Variants in CFAP77 observed in about 807,000 individuals in gnomAD.
CFAP77 encodes the protein cilia and flagella associated protein 77.
CFAP77 carries 25 observed loss-of-function variants against 31.1 expected under a neutral mutation model. The observed-to-expected ratio is 0.80, with a 90% confidence interval of 0.59 to 1.12. The LOEUF is 1.12. Ranked by LOEUF, CFAP77 falls within the 50% of genes most tolerant of loss-of-function variation. The probability of loss-of-function intolerance (pLI) is 0.00; values close to 1 mark genes in which losing one functional copy is unlikely to be tolerated. For missense variants in CFAP77, 377 were observed against 397.3 expected (o/e 0.95, Z 0.44); for synonymous variants, 151 against 159.9 (o/e 0.94, Z 0.42).
At position 132,481,198 on chromosome 9, in the gene CFAP77, C is replaced by T. The variant is rs1851440875; in HGVS notation, c.196-17497C>T. Reference sequence around the variant, plus strand: ...CCCAAGCTACTGCTGCCCTTGGGAGCTCTCTGGGCCCAAGACTCCCTGCCG... The same window carrying T: ...CCCAAGCTACTGCTGCCCTTGGGAGTTCTCTGGGCCCAAGACTCCCTGCCG... On this transcript the variant is annotated intron_variant, in intron 1 of 5. Coordinates refer to ENST00000393216, the MANE Select transcript of CFAP77 (RefSeq NM_001282957.2). The surrounding 1 kb of genome is among the most constrained non-coding windows in gnomAD (Gnocchi z 5.0). Among the ~76,000 whole-genome samples, 1 of 152,136 alleles carries T rather than the reference C, an allele frequency of 6.6e-6. No individual in the cohort carries two copies. The highest frequency in any genetic ancestry group is 1.5e-5 in the Non-Finnish European group (1 of 68,028).
rs1233425495 is a variant in CFAP77 at position 132,497,461 on chromosome 9, C to G, written c.196-1234C>G. ...CGAAACCACCGCCTGTGGCCTGTGG[C>G]CTGTGGCCTGTGGACAGTGGAAGGA... On this transcript the variant is annotated intron_variant, in intron 1 of 5. Transcript: ENST00000393216. This position sits in a 1 kb window ranked among gnomAD's most constrained non-coding sequence, Gnocchi z 4.9. Among the ~76,000 whole-genome samples, 1 of 152,222 alleles carries G rather than the reference C, an allele frequency of 6.6e-6. No individual in the cohort carries two copies. The highest frequency in any genetic ancestry group is 2.4e-5 in the African/African-American group (1 of 41,466).
chr9:132,570,473 G>C (rs755995947), intron 5 of CFAP77, among the ~76,000 whole-genome samples: 1 of 152,222 alleles, frequency 6.6e-6, no homozygotes, highest in African/African-American at 2.4e-5. Flanking sequence ...CTGGTGCTGC[G>C]GCTGGGCTGA....
intron 3 of CFAP77, among the ~76,000 whole-genome samples, chr9:132,509,604 AC>A (rs1350493012): frequency 6.6e-6 from 1 of 152,154 alleles, no homozygotes; most frequent in Non-Finnish European, 1.5e-5. Flanking sequence ...CCTCATCTCT[AC>A]TAAAAATACA....
At chr9:132,439,318 G>C (rs1729210856) in intron 1 of CFAP77, among the ~76,000 whole-genome samples, 1 of 152,180 alleles carries the variant, frequency 6.6e-6, no homozygotes, top group African/African-American at 2.4e-5. Flanking sequence ...CCTGGTAGGG[G>C]CGTGCAGGAC....
chr9:132,523,701 G>C (rs1209835253), intron 3 of CFAP77, among the ~76,000 whole-genome samples: 1 of 152,214 alleles, frequency 6.6e-6, no homozygotes, highest in East Asian at 1.9e-4. Context: ...TGAAACCTCA[G>C]GCTTCCTCGG....
At chr9:132,483,132 G>A (rs1207450362) in intron 1 of CFAP77, among the ~76,000 whole-genome samples, 4 of 151,978 alleles carry the variant, frequency 2.6e-5, no homozygotes, top group Non-Finnish European at 5.9e-5. Context: ...TTAGCCGGGC[G>A]TGGTGGTGCG....
chr9:132,477,145 T>C (rs1851358850), intron 1 of CFAP77, among the ~76,000 whole-genome samples: 1 of 152,094 alleles, frequency 6.6e-6, no homozygotes, highest in Non-Finnish European at 1.5e-5. Context: ...GCACCAACAG[T>C]GGGGCCAGGA....
intron 1 of CFAP77, among the ~76,000 whole-genome samples, chr9:132,457,304 G>A (rs544558761): frequency 4.6e-4 from 67 of 145,454 alleles, no homozygotes; most frequent in African/African-American, 1.5e-3. Context: ...AGACGGGGAC[G>A]GGGGTGGGGG....
At chr9:132,561,368 C>G (rs546143582) in intron 5 of CFAP77, among the ~76,000 whole-genome samples, 8 of 151,364 alleles carry the variant, frequency 5.3e-5, no homozygotes, top group Non-Finnish European at 7.4e-5. Context: ...TCTGTTTTCC[C>G]CCCCCAAATC....
chr9:132,558,998 A>G (rs1444975675), intron 5 of CFAP77, among the ~76,000 whole-genome samples: 3 of 151,854 alleles, frequency 2.0e-5, no homozygotes. Context: ...TAGGTGACAG[A>G]GCAAGACTCT....
rs573598315 is a variant in CFAP77, at chr9:132,455,472, T to C, written c.196-43223T>C. 4.4e-4 allele frequency among the ~76,000 whole-genome samples: 67 copies of C among 150,808 alleles called. No homozygotes were observed. The highest frequency in any genetic ancestry group is 1.6e-3 in the African/African-American group (66 of 40,986). ...GCGGTGAGCTGAGATCGTGCCACTGTACTCTAGCCTGGGTGGCAGAGCGAG... is the reference window on the plus strand; with the variant it reads ...GCGGTGAGCTGAGATCGTGCCACTGCACTCTAGCCTGGGTGGCAGAGCGAG... On this transcript the variant is annotated intron_variant, in intron 1 of 5. Coordinates refer to ENST00000393216, the MANE Select transcript of CFAP77 (RefSeq NM_001282957.2). The surrounding 1 kb of genome is among the most constrained non-coding windows in gnomAD (Gnocchi z 4.1).
intron 3 of CFAP77, among the ~76,000 whole-genome samples, chr9:132,502,768 G>A (rs913834512): frequency 1.3e-5 from 2 of 152,218 alleles, no homozygotes; most frequent in African/African-American, 4.8e-5. Context: ...TGTGGACGTG[G>A]ACGGACACGT....
chr9:132,511,478 C>T lies in CFAP77; in HGVS notation c.524+11878C>T, dbSNP rs1852038378. 6.6e-6 allele frequency among the ~76,000 whole-genome samples: 1 copy of T among 152,228 alleles called. No homozygotes were observed. The highest frequency in any genetic ancestry group is 2.4e-5 in the African/African-American group (1 of 41,460). The stretch of plus-strand genomic sequence containing the variant: ...GGCGGGCCTGGTGTTGCCCACTCCT[C>T]CTTCCCCAGTGCCAAGCATGTGCCT... On this transcript the variant is annotated intron_variant, in intron 3 of 5. Coordinates refer to ENST00000393216, the MANE Select transcript of CFAP77 (RefSeq NM_001282957.2). This position sits in a 1 kb window ranked among gnomAD's most constrained non-coding sequence, Gnocchi z 5.8.
At chr9:132,541,978 G>A (rs1852651705) in intron 4 of CFAP77, among the ~76,000 whole-genome samples, 3 of 152,194 alleles carry the variant, frequency 2.0e-5, no homozygotes, top group South Asian at 4.1e-4. Flanking sequence ...GAACCCCAGG[G>A]CAGATCCATG....
At chr9:132,555,341 G>A (rs1308230009) in intron 5 of CFAP77, among the ~76,000 whole-genome samples, 1 of 152,178 alleles carries the variant, frequency 6.6e-6, no homozygotes, top group Non-Finnish European at 1.5e-5. Context: ...CCACCCCGAT[G>A]GGCCGAGGAC....
At chr9:132,433,943 C>G (rs1288095179) in intron 1 of CFAP77, among the ~76,000 whole-genome samples, 10 of 149,298 alleles carry the variant, frequency 6.7e-5, no homozygotes, top group Non-Finnish European at 1.5e-4. Context: ...TAGAGACCAG[C>G]CTGGGCAACA....
At chr9:132,461,789 C>T (rs1276462134) in intron 1 of CFAP77, among the ~76,000 whole-genome samples, 1 of 152,228 alleles carries the variant, frequency 6.6e-6, no homozygotes, top group African/African-American at 2.4e-5. Flanking sequence ...TAAAGACAGA[C>T]AGGCTTCTCA....
At chr9:132,438,541 A>ATATATATATATATATATATT in intron 1 of CFAP77, among the ~76,000 whole-genome samples, 1 of 108,126 alleles carries the variant, frequency 9.2e-6, no homozygotes, top group Non-Finnish European at 1.8e-5. Context: ...ATATATATAT[A>ATATATATATATATATATATT]TTTTTTTTTT....
chr9:132,443,183 C>T (rs951095863), intron 1 of CFAP77, among the ~76,000 whole-genome samples: 2 of 151,704 alleles, frequency 1.3e-5, no homozygotes, highest in African/African-American at 4.8e-5. Context: ...AGATATGCTG[C>T]AATTTATTTA....
Sources: allele counts gnomAD v4.1 joint callset (sites outside exome capture counted in the v4.1 genomes callset), GRCh38; gene constraint gnomAD v4.1.1; non-coding constraint Gnocchi (gnomAD v3.1); transcripts MANE v1.5; gene names NCBI Gene and HGNC (gene_info 2026-07-23, HGNC 2026-07-21).